BICD1: variants seen among roughly 807,000 people sequenced by gnomAD.
BICD1 encodes protein bicaudal D homolog 1.
In BICD1, 35 loss-of-function variants were observed where a neutral mutation model predicts 92.5. The observed-to-expected ratio is 0.38, with a 90% CI of 0.29 to 0.50. BICD1 has a LOEUF of 0.50. Among genes scored for constraint, BICD1 ranks in the 20% least tolerant of loss-of-function variants. The pLI is 0.93. For missense variants in BICD1, 950 were observed against 1,189.8 expected (o/e 0.80, Z 2.97); for synonymous variants, 429 against 465.1 (o/e 0.92, Z 1.00).
chr12:32,344,351 G>A (rs1938490451), intron 8 of BICD1, among the ~76,000 whole-genome samples: 1 of 152,172 alleles, frequency 6.6e-6, no homozygotes, highest in African/African-American at 2.4e-5. Context: ...AGAAAGCGAG[G>A]CTGCAAAGGT....
At position 32,338,864 on chromosome 12, in the gene BICD1, TC is replaced by T; in HGVS notation, c.2654del (p.Pro885LeufsTer11). 6.2e-7 allele frequency: 1 copy of T among 1,605,554 alleles called. No individual in the cohort carries two copies. The highest frequency in any genetic ancestry group is 1.1e-5 in the South Asian group (1 of 89,444). On this transcript the variant is annotated frameshift_variant, in exon 8 of 10. Coordinates refer to ENST00000652176, the MANE Select transcript of BICD1 (RefSeq NM_001714.4). LOFTEE classifies it high-confidence loss of function. ...CCTACCTACAGAATTTATTAAGAGT[TC>T]CCCCTGATCCCACCTCCACAGAATC... ...ASYLQNLLRVPPDPTSTESFL... is the reference protein window; with the variant it reads ...ASYLQNLLRVXPDPTSTESFL...
intron 2 of BICD1, among the ~76,000 whole-genome samples, chr12:32,223,835 A>G (rs1945607258): frequency 1.3e-5 from 2 of 152,120 alleles, no homozygotes; most frequent in Non-Finnish European, 2.9e-5. Flanking sequence ...TAATTTCAAT[A>G]TTGTCTTATG....
intron 1 of BICD1, among the ~76,000 whole-genome samples, chr12:32,193,476 G>T (rs2121531929): frequency 6.6e-6 from 1 of 152,238 alleles, no homozygotes; most frequent in South Asian, 2.1e-4. Context: ...TGTGGTATTT[G>T]CTCTGTTGTG....
intron 9 of BICD1, among the ~76,000 whole-genome samples, chr12:32,373,110 T>C (rs1011928925): frequency 6.6e-6 from 1 of 152,330 alleles, no homozygotes; most frequent in Non-Finnish European, 1.5e-5. Flanking sequence ...TTCCTGAAGA[T>C]GTATCCAATT....
rs1336411672 is a variant in BICD1 at position 32,317,363 on chromosome 12, C to A, written c.1006-10098C>A. Among the ~76,000 whole-genome samples the A allele has an allele frequency of 2.0e-5, 3 of 152,338 alleles. No homozygotes were observed. The East Asian group carries it at 5.8e-4, about 29-fold the overall frequency. The stretch of plus-strand genomic sequence containing the variant: ...TCCTATTTCTCCACATCCTCTCCAG[C>A]ACCTGTTGTTTCCTGACTTTTTAAT... On this transcript the variant is annotated intron_variant, in intron 4 of 9. Transcript: ENST00000652176.
chr12:32,225,629 T>G (rs1414812074), intron 2 of BICD1, among the ~76,000 whole-genome samples: 2 of 138,892 alleles, frequency 1.4e-5, no homozygotes, highest in Non-Finnish European at 3.2e-5. Flanking sequence ...CTGTTTTTTT[T>G]TTTTTTTTTT....
At chr12:32,356,817 C>T (rs2470380) in intron 8 of BICD1, among the ~76,000 whole-genome samples, 147,984 of 152,242 alleles carry the variant, frequency 0.97, 72,064 homozygotes, top group East Asian at 1. Flanking sequence ...TGGGAAACTT[C>T]TATAACTGTG....
intron 3 of BICD1, among the ~76,000 whole-genome samples, chr12:32,295,272 A>G (rs1258308970): frequency 6.6e-6 from 1 of 152,178 alleles, no homozygotes; most frequent in African/African-American, 2.4e-5. Context: ...TAATTTTAGA[A>G]GAATTTATTT....
intron 3 of BICD1, among the ~76,000 whole-genome samples, chr12:32,302,091 T>G (rs1948066924): frequency 6.6e-6 from 1 of 152,090 alleles, no homozygotes; most frequent in South Asian, 2.1e-4. Flanking sequence ...TTTCACTGTG[T>G]TAGCTAGGAT....
At chr12:32,239,873 G>A (rs190523458) in intron 2 of BICD1, among the ~76,000 whole-genome samples, 117 of 152,152 alleles carry the variant, frequency 7.7e-4, no homozygotes, top group African/African-American at 2.6e-3. Flanking sequence ...CTCCCAAAGT[G>A]CTGGGATTAC....
intron 1 of BICD1, among the ~76,000 whole-genome samples, chr12:32,159,857 T>G (rs936585216): frequency 7.6e-6 from 1 of 131,588 alleles, no homozygotes; most frequent in African/African-American, 2.6e-5. Context: ...ACCTGTAGTT[T>G]GGGTTCTCCT....
intron 1 of BICD1, among the ~76,000 whole-genome samples, chr12:32,116,980 TTA>T: frequency 1.2e-5 from 1 of 83,338 alleles, no homozygotes; most frequent in South Asian, 3.8e-4. Flanking sequence ...ATCTCACCTA[TTA>T]TGTTATAGAA....
chr12:32,351,926 G>A (rs537700785), intron 8 of BICD1, among the ~76,000 whole-genome samples: 4 of 151,010 alleles, frequency 2.6e-5, no homozygotes, highest in Non-Finnish European at 4.4e-5. Context: ...AAAAAAGTTG[G>A]CCAGGCACAG....
intron 1 of BICD1, among the ~76,000 whole-genome samples, chr12:32,133,195 ATGAGTC>A (rs1942616557): frequency 6.6e-6 from 1 of 152,134 alleles, no homozygotes; most frequent in Non-Finnish European, 1.5e-5. Flanking sequence ...TAATTTTAAG[ATGAGTC>A]TCCTGGCCAG....
chr12:32,226,386 G>A (rs261888), intron 2 of BICD1, among the ~76,000 whole-genome samples: 66,083 of 152,050 alleles, frequency 0.43, 14,769 homozygotes, highest in East Asian at 0.6. Flanking sequence ...CACCTGTCTC[G>A]GCCTCCCAAA....
intron 1 of BICD1, among the ~76,000 whole-genome samples, chr12:32,153,859 A>G (rs577289720): frequency 2.6e-5 from 4 of 151,292 alleles, no homozygotes; most frequent in Non-Finnish European, 4.4e-5. Flanking sequence ...AATAAACATC[A>G]TGTATATATG....
At chr12:32,289,869 C>A (rs1217182569) in intron 2 of BICD1, among the ~76,000 whole-genome samples, 1 of 152,100 alleles carries the variant, frequency 6.6e-6, no homozygotes, top group East Asian at 1.9e-4. Context: ...TTCATAGAAG[C>A]CTTTGGTAAG....
At chr12:32,147,427 G>A (rs551714653) in intron 1 of BICD1, among the ~76,000 whole-genome samples, 1 of 152,198 alleles carries the variant, frequency 6.6e-6, no homozygotes, top group Admixed American at 6.5e-5. Context: ...CCGTCATTTT[G>A]GATATTTGAT....
chr12:32,213,419 G>A (rs913281874), intron 1 of BICD1, among the ~76,000 whole-genome samples: 8 of 152,062 alleles, frequency 5.3e-5, no homozygotes, highest in African/African-American at 1.7e-4. Context: ...TTTTGGAGAA[G>A]GGGTCTCCAT....
Sources: allele counts gnomAD v4.1 joint callset (sites outside exome capture counted in the v4.1 genomes callset), GRCh38; gene constraint gnomAD v4.1.1; transcripts MANE v1.5; gene names NCBI Gene and HGNC (gene_info 2026-07-23, HGNC 2026-07-21).